Variants in GALNT1 observed in about 807,000 individuals in gnomAD.
GALNT1 encodes the protein polypeptide N-acetylgalactosaminyltransferase 1.
GALNT1 carries 17 observed loss-of-function variants against 65.7 expected under a neutral mutation model. The observed-to-expected ratio is 0.26, with a 90% CI of 0.18 to 0.39. The LOEUF (loss-of-function observed/expected upper bound fraction) is 0.39. Ranked by LOEUF, GALNT1 falls within the 10% of genes least tolerant of loss-of-function variation. The probability of loss-of-function intolerance (pLI) is 1.00; values close to 1 mark genes in which losing one functional copy is unlikely to be tolerated. For missense variants in GALNT1, 460 were observed against 672.8 expected, an observed-to-expected ratio of 0.68 and a Z score of 3.50; for synonymous variants, 210 against 219.7, an observed-to-expected ratio of 0.96 and a Z score of 0.39.
At chr18:35,682,122 C>T (rs1237417625) in intron 4 of GALNT1, among the ~76,000 whole-genome samples, 1 of 152,124 alleles carries the variant, frequency 6.6e-6, no homozygotes, top group Non-Finnish European at 1.5e-5. Flanking sequence ...GACCCTAAGA[C>T]TTGGTTCATA....
At position 35,640,100 on chromosome 18, in the gene GALNT1, A is replaced by G. The variant is rs113542862; in HGVS notation, c.-103-14460A>G. ...GGTGTGAGCCACCATGTCCAGCCTT[A>G]ACTACTAGATTTCTTTTGCAGTATT... On this transcript the variant is annotated intron_variant, in intron 1 of 11. Transcript: ENST00000269195. Among the ~76,000 whole-genome samples the G allele has an allele frequency of 6.4e-3, 974 of 152,276 alleles. 19 individuals carry two copies. Among genetic ancestry groups the G allele is most frequent in the African/African-American group, 0.022 (924 of 41,558 alleles).
At chr18:35,610,220 G>T (rs991281798) in intron 1 of GALNT1, among the ~76,000 whole-genome samples, 4 of 152,140 alleles carry the variant, frequency 2.6e-5, no homozygotes. Context: ...TGGAACCAGG[G>T]TGTGGTCTCT....
intron 1 of GALNT1, among the ~76,000 whole-genome samples, chr18:35,593,496 A>G (rs1598779383): frequency 6.6e-6 from 1 of 152,090 alleles, no homozygotes; most frequent in Non-Finnish European, 1.5e-5. Context: ...ACCTATTATT[A>G]GTAGGTCGTA....
chr18:35,581,909 C>CTA (rs2046325627), intron 1 of GALNT1, 47 bp downstream of exon 1: 1 of 147,804 alleles, frequency 6.8e-6, no homozygotes, highest in Non-Finnish European at 1.5e-5. Context: ...CGCAGCGCTG[C>CTA]GCGCGGGTCG....
At chr18:35,668,300 TA>T (rs1421101235) in intron 3 of GALNT1, among the ~76,000 whole-genome samples, 1 of 151,550 alleles carries the variant, frequency 6.6e-6, no homozygotes, top group Non-Finnish European at 1.5e-5. Context: ...ATCAAGAAAA[TA>T]AGAGAGTCAC....
intron 1 of GALNT1, among the ~76,000 whole-genome samples, chr18:35,584,881 C>G (rs757837999): frequency 1.9e-4 from 29 of 152,330 alleles, no homozygotes; most frequent in Non-Finnish European, 3.5e-4. Context: ...GGCCAGGTTT[C>G]TAACAGGCCA....
At chr18:35,665,045 A>G (rs2047529600) in intron 3 of GALNT1, among the ~76,000 whole-genome samples, 1 of 152,248 alleles carries the variant, frequency 6.6e-6, no homozygotes, top group South Asian at 2.1e-4. Flanking sequence ...GGAAACTCAT[A>G]GTCATTGAGT....
At chr18:35,585,144 A>C (rs1011406497) in intron 1 of GALNT1, among the ~76,000 whole-genome samples, 3 of 152,136 alleles carry the variant, frequency 2.0e-5, no homozygotes, top group Non-Finnish European at 4.4e-5. Flanking sequence ...TGTAACATTT[A>C]AACTCCTGCA....
chr18:35,693,073 G>T (rs1201448183), intron 9 of GALNT1, among the ~76,000 whole-genome samples: 1 of 152,200 alleles, frequency 6.6e-6, no homozygotes, highest in Admixed American at 6.5e-5. Context: ...ATGTCAGGTG[G>T]TGGTAAGGGC....
chr18:35,686,735 CA>C lies in GALNT1; in HGVS notation c.690-271del, dbSNP rs1180700342. On this transcript the variant is annotated intron_variant, in intron 5 of 11. Transcript: ENST00000269195. ...AGATTAAAGTCTTAAATATAAAAAACAAAAAAAAAATTTTTTTAATTAGTTG... is the reference window on the plus strand; with the variant it reads ...AGATTAAAGTCTTAAATATAAAAAACAAAAAAAAATTTTTTTAATTAGTTG... Among the ~76,000 whole-genome samples, 27 of 150,166 alleles carry C rather than the reference CA, an allele frequency of 1.8e-4. No homozygotes were observed. The East Asian group carries it at 2.5e-3, about 14-fold the overall frequency.
At chr18:35,591,270 A>G (rs1397351975) in intron 1 of GALNT1, among the ~76,000 whole-genome samples, 2 of 152,212 alleles carry the variant, frequency 1.3e-5, no homozygotes, top group Non-Finnish European at 2.9e-5. Flanking sequence ...CTGGCAGCTT[A>G]TCAGCTGGTC....
At chr18:35,611,221 A>ACGGATT (rs972417671) in intron 1 of GALNT1, among the ~76,000 whole-genome samples, 1 of 152,158 alleles carries the variant, frequency 6.6e-6, no homozygotes, top group African/African-American at 2.4e-5. Context: ...TGGTGGGAAT[A>ACGGATT]CGGATTCGGG....
At chr18:35,626,820 G>T (rs1317030575) in intron 1 of GALNT1, among the ~76,000 whole-genome samples, 1 of 152,116 alleles carries the variant, frequency 6.6e-6, no homozygotes, top group Non-Finnish European at 1.5e-5. Context: ...CACTACTTCT[G>T]TACTCTCCAA....
intron 3 of GALNT1, among the ~76,000 whole-genome samples, chr18:35,666,799 T>C (rs959327838): frequency 6.6e-6 from 1 of 152,142 alleles, no homozygotes; most frequent in African/African-American, 2.4e-5. Flanking sequence ...AAGTCCACTT[T>C]TGTGAAAGCT....
rs138630487 is a variant in GALNT1 at position 35,632,870 on chromosome 18, T to G, written c.-103-21690T>G. Among the ~76,000 whole-genome samples, 1,323 of 151,818 alleles carry G rather than the reference T, an allele frequency of 8.7e-3. 21 individuals are homozygous for G. Among genetic ancestry groups the G allele is most frequent in the East Asian group, 0.047 (241 of 5,146 alleles). Reference sequence around the variant, plus strand: ...AATTTACAAGAAAAAAACAAACCCATCAACAAGTGGGCGAAGGATATGAAC... The same window carrying G: ...AATTTACAAGAAAAAAACAAACCCAGCAACAAGTGGGCGAAGGATATGAAC... On this transcript the variant is annotated intron_variant, in intron 1 of 11. Transcript: ENST00000269195.
At chr18:35,654,292 A>G (rs937386912) in intron 1 of GALNT1, among the ~76,000 whole-genome samples, 2 of 152,116 alleles carry the variant, frequency 1.3e-5, no homozygotes, top group African/African-American at 4.8e-5. Context: ...TCTACAAAGT[A>G]CCTGTTTATG....
chr18:35,587,459 G>A (rs369443862), intron 1 of GALNT1, among the ~76,000 whole-genome samples: 25 of 152,298 alleles, frequency 1.6e-4, no homozygotes, highest in African/African-American at 5.1e-4. Flanking sequence ...CCTTAACTAT[G>A]AGGTATAATG....
At chr18:35,594,765 G>T (rs890769696) in intron 1 of GALNT1, among the ~76,000 whole-genome samples, 4 of 152,208 alleles carry the variant, frequency 2.6e-5, no homozygotes, top group Non-Finnish European at 4.4e-5. Flanking sequence ...AACAAGTTTG[G>T]CAGGGGTGAG....
intron 2 of GALNT1, among the ~76,000 whole-genome samples, chr18:35,657,129 T>C (rs2047401896): frequency 6.6e-6 from 1 of 152,158 alleles, no homozygotes; most frequent in African/African-American, 2.4e-5. Flanking sequence ...GGAATGTCGC[T>C]CTGTCACCAA....
Sources: allele counts gnomAD v4.1 joint callset (sites outside exome capture counted in the v4.1 genomes callset), GRCh38; gene constraint gnomAD v4.1.1; transcripts MANE v1.5; gene names NCBI Gene and HGNC (gene_info 2026-07-23, HGNC 2026-07-21).